The following CUL4B variants were observed in gnomAD, a reference collection of about 807,000 sequenced individuals.
CUL4B encodes cullin-4B.
CUL4B carries 1 observed loss-of-function variant against 69.2 expected under a neutral mutation model. The observed-to-expected ratio is 0.01, with a 90% CI of 0.01 to 0.07. The LOEUF (loss-of-function observed/expected upper bound fraction) is 0.07, where lower values mean the gene tolerates loss of function less well. Among genes scored for constraint, CUL4B ranks in the 10% least tolerant of loss-of-function variants. The pLI is 1.00. For missense variants in CUL4B, 328 were observed against 638.8 expected, an observed-to-expected ratio of 0.51 and a Z score of 5.24; for synonymous variants, 237 against 223.2, an observed-to-expected ratio of 1.06 and a Z score of -0.55.
intron 2 of CUL4B, among the ~76,000 whole-genome samples, chrX:120,549,561 AAGAGAAGAGC>A (rs933258953): frequency 1.6e-4 from 18 of 111,401 alleles, no homozygotes; most frequent in Non-Finnish European, 2.6e-4. Context: ...AAGAAAAAAG[AAGAGAAGAGC>A]AGAGCAGAGC....
At chrX:120,547,578 C>T (rs770517260) in intron 2 of CUL4B, among the ~76,000 whole-genome samples, 1 of 111,825 alleles carries the variant, frequency 8.9e-6, no homozygotes, top group Admixed American at 9.5e-5. Context: ...GCCTGTAATC[C>T]CAACATTTTG....
chrX:120,552,127 G>A (rs5956225), intron 2 of CUL4B, among the ~76,000 whole-genome samples: 3,449 of 111,077 alleles, frequency 0.031, 129 homozygotes, highest in African/African-American at 0.11. Context: ...TATGCATTAC[G>A]TATTTATTAT....
intron 2 of CUL4B, among the ~76,000 whole-genome samples, chrX:120,572,861 C>T (rs1925755426): frequency 9.0e-6 from 1 of 111,252 alleles, no homozygotes; most frequent in South Asian, 3.7e-4. Context: ...TTTTCTCTTA[C>T]CTTACGTTGC....
Position 120,560,345 on chromosome X carries a change from C to G in CUL4B, c.294G>C (p.Gln98His). The G allele has an allele frequency of 8.3e-7, 1 of 1,209,686 alleles. No individual in the cohort carries two copies. ...GGGTGTCTTCAAAACGCAGCTTCTT[C>G]TGTATCGGTACGTGGCTGGAAGCAG... ...SVAASSHVPI[Q>H]KKLRFEDTLE... The change falls in exon 1 of 20, where the codon CAG (glutamine) becomes CAC (histidine). Residue 98 changes from glutamine (Q) to histidine (H), a missense_variant. Around this residue, in one of 4 missense-constraint regions of CUL4B, gnomAD observed 102 missense variants for 122.1 expected, o/e 0.84. Coordinates refer to ENST00000371322, the MANE Select transcript of CUL4B (RefSeq NM_001079872.2).
intron 5 of CUL4B, 82 bp downstream of exon 5, chrX:120,545,362 A>G (rs1182816412): frequency 5.8e-6 from 4 of 690,294 alleles, no homozygotes; most frequent in African/African-American, 2.1e-5. Flanking sequence ...TATTCACAGT[A>G]TAGCTTATAC....
intron 19 of CUL4B, among the ~76,000 whole-genome samples, chrX:120,529,783 C>G (rs1258608596): frequency 2.1e-4 from 23 of 110,848 alleles, no homozygotes; most frequent in Non-Finnish European, 9.5e-5. Context: ...CATGGTATTT[C>G]AAGAGGAAAA....
At chrX:120,565,846 C>A (rs1925490811), upstream of CUL4B, among the ~76,000 whole-genome samples, 1 of 102,578 alleles carries the variant, frequency 9.7e-6, no homozygotes, top group Admixed American at 1.1e-4. Context: ...CTGCCTCAGC[C>A]TCCCAAGTAG....
intron 18 of CUL4B, among the ~76,000 whole-genome samples, chrX:120,531,925 T>C (rs1923343970): frequency 9.0e-6 from 1 of 111,130 alleles, no homozygotes; most frequent in Admixed American, 9.6e-5. Context: ...CGGAACACAA[T>C]ATGACATTAT....
At chrX:120,566,381 A>G (rs1303252845), upstream of CUL4B, among the ~76,000 whole-genome samples, 6 of 63,229 alleles carry the variant, frequency 9.5e-5, no homozygotes, top group Non-Finnish European at 2.0e-4. Context: ...ATATATATAT[A>G]TATATATATG....
chrX:120,544,151 T>C lies in CUL4B; in HGVS notation c.1136A>G (p.Tyr379Cys). ...QRFLEETNRL[Y>C]AAEGQKLMQE... is the part of the protein sequence containing the mutation. Reference sequence around the variant, plus strand: ...CATTAATTTTTGGCCTTCAGCTGCATAGAGCCGGTTAGTTTCTTCCAAAAA... The same window carrying C: ...CATTAATTTTTGGCCTTCAGCTGCACAGAGCCGGTTAGTTTCTTCCAAAAA... Residue 379 changes from tyrosine (Y) to cysteine (C), a missense_variant, in exon 7 of 20, where the codon TAT becomes TGT. By Grantham distance (194) the Tyr-to-Cys change is radical. Around this residue, in one of 4 missense-constraint regions of CUL4B, gnomAD observed 126 missense variants for 202.5 expected, o/e 0.62. Coordinates refer to ENST00000371322, the MANE Select transcript of CUL4B (RefSeq NM_001079872.2). 1 of 1,206,409 alleles carries C rather than the reference T, an allele frequency of 8.3e-7. No homozygotes were observed. The highest frequency in any genetic ancestry group is 1.1e-6 in the Non-Finnish European group (1 of 890,809).
intron 2 of CUL4B, among the ~76,000 whole-genome samples, chrX:120,552,294 C>T (rs1221833311): frequency 9.0e-6 from 1 of 111,431 alleles, no homozygotes; most frequent in South Asian, 3.7e-4. Context: ...ATTACAGACA[C>T]GTGCCACCAC....
chrX:120,561,189 C>T, upstream of CUL4B: 1 of 682,143 alleles, frequency 1.5e-6, no homozygotes, highest in Non-Finnish European at 2.1e-6. Flanking sequence ...GGGGAGCTCG[C>T]GCGTGAGGGG....
At chrX:120,529,346 T>TA (rs1266129466) in intron 19 of CUL4B, among the ~76,000 whole-genome samples, 1 of 111,888 alleles carries the variant, frequency 8.9e-6, no homozygotes, top group Non-Finnish European at 1.9e-5. Flanking sequence ...AACCTCACAA[T>TA]AATCCTACAA....
chrX:120,559,816 TATAAGGA>T (rs1925177727), intron 1 of CUL4B: 1 of 1,109,072 alleles, frequency 9.0e-7, no homozygotes, highest in African/African-American at 1.8e-5. Flanking sequence ...TTGTCAGTGT[TATAAGGA>T]ATAACAGATT....
exon 3 of CUL4B, chrX:120,571,601 A>C (rs748790733): frequency 6.3e-5 from 7 of 111,295 alleles, no homozygotes; most frequent in Non-Finnish European, 1.3e-4. Flanking sequence ...AGATCTAGAG[A>C]TCTATGGATT....
At chrX:120,538,613 C>T (rs1439596442) in intron 13 of CUL4B, 47 bp downstream of exon 13, 2 of 844,333 alleles carry the variant, frequency 2.4e-6, no homozygotes, top group Non-Finnish European at 3.5e-6. Context: ...AGCTAACATT[C>T]TCCTTCAGGA....
chrX:120,546,617 C>T lies in CUL4B; in HGVS notation c.777-1G>A, dbSNP rs766506778. ...AAAAAGAACGCTATCCAATGAATCC[C>T]TGAAACATATGTTAAGGATATTTTA... is the stretch of plus-strand genomic sequence containing the variant. On this transcript the variant is annotated splice_acceptor_variant, in intron 3 of 19. Coordinates refer to ENST00000371322, the MANE Select transcript of CUL4B (RefSeq NM_001079872.2). LOFTEE classifies it high-confidence loss of function. 6.8e-6 allele frequency: 8 copies of T among 1,169,875 alleles called. No homozygotes were observed. The highest frequency in any genetic ancestry group is 1.8e-5 in the African/African-American group (1 of 56,278).
Position 120,526,797 on chromosome X carries a change from A to G in CUL4B, c.2652T>C (p.Asp884=), listed in dbSNP as rs768424127. 14 of 1,196,164 alleles carry G rather than the reference A, an allele frequency of 1.2e-5. No individual in the cohort carries two copies. Among genetic ancestry groups the G allele is most frequent in the Non-Finnish European group, 1.2e-5 (11 of 884,905 alleles). Reference sequence around the variant, plus strand: ...AGTTGTACTGGTTTGGATTTTCTTTATCTCTTTCCATGTAGTCCCGGTCAA... The same window carrying G: ...AGTTGTACTGGTTTGGATTTTCTTTGTCTCTTTCCATGTAGTCCCGGTCAA... The part of the protein sequence containing the change: ...SLIDRDYMER[D]KENPNQYNYI... Residue 884 remains aspartate, a synonymous_variant, in exon 20 of 20, where the codon GAT becomes GAC. Coordinates refer to ENST00000371322, the MANE Select transcript of CUL4B (RefSeq NM_001079872.2).
chrX:120,539,654 G>C lies in CUL4B; in HGVS notation c.1637-282C>G, dbSNP rs773872299. 1.2e-4 allele frequency among the ~76,000 whole-genome samples: 13 copies of C among 111,899 alleles called. No individual in the cohort carries two copies. The East Asian group carries it at 3.1e-3, about 26-fold the overall frequency. ...TGAAAATAGGATACGGATATCCTGT[G>C]GGGGAGGTCTCATGTAGCCCTGTGA... is the stretch of plus-strand genomic sequence containing the variant. On this transcript the variant is annotated intron_variant, in intron 11 of 19. Coordinates refer to ENST00000371322, the MANE Select transcript of CUL4B (RefSeq NM_001079872.2).
Sources: allele counts gnomAD v4.1 joint callset (sites outside exome capture counted in the v4.1 genomes callset), GRCh38; gene constraint gnomAD v4.1.1; regional missense constraint gnomAD v4.1.1; transcripts MANE v1.5; gene names NCBI Gene and HGNC (gene_info 2026-07-23, HGNC 2026-07-21).